The following DAAM1 variants were observed in gnomAD, a reference collection of about 807,000 sequenced individuals.
The protein encoded by DAAM1 is dishevelled associated activator of morphogenesis 1.
In DAAM1, 52 loss-of-function variants were observed where a neutral mutation model predicts 130.0. The ratio of observed to expected loss-of-function variants is 0.40; its 90% CI spans 0.32 to 0.50. The LOEUF is 0.50. Ranked by LOEUF, DAAM1 falls within the 20% of genes least tolerant of loss-of-function variation. DAAM1 has a pLI of 0.61. For synonymous variants in DAAM1, 452 were observed against 444.5 expected, an observed-to-expected ratio of 1.02 and a Z score of -0.21; for missense variants, 1,134 against 1,303.8, an observed-to-expected ratio of 0.87 and a Z score of 2.01.
At chr14:59,257,545 G>C (rs916959191) in intron 1 of DAAM1, among the ~76,000 whole-genome samples, 1 of 152,220 alleles carries the variant, frequency 6.6e-6, no homozygotes, top group African/African-American at 2.4e-5. Flanking sequence ...TGAGGACACT[G>C]TAGACGTGTG....
intron 1 of DAAM1, among the ~76,000 whole-genome samples, chr14:59,200,227 C>G (rs559833933): frequency 6.6e-6 from 1 of 152,074 alleles, no homozygotes. Flanking sequence ...CCCAGCAGAT[C>G]TAGTAGGTAA....
chr14:59,289,061 G>C (rs1392701400), intron 2 of DAAM1, among the ~76,000 whole-genome samples: 1 of 152,040 alleles, frequency 6.6e-6, no homozygotes, highest in Non-Finnish European at 1.5e-5. Flanking sequence ...GACTACAGGC[G>C]TGTGCCACCA....
At chr14:59,275,718 G>T (rs1337189700) in intron 2 of DAAM1, among the ~76,000 whole-genome samples, 1 of 152,084 alleles carries the variant, frequency 6.6e-6, no homozygotes, top group Non-Finnish European at 1.5e-5. Flanking sequence ...TTGCTATTAA[G>T]AGAAAAAAGG....
At chr14:59,190,568 A>G (rs1032559130) in intron 1 of DAAM1, among the ~76,000 whole-genome samples, 1 of 152,172 alleles carries the variant, frequency 6.6e-6, no homozygotes, top group East Asian at 1.9e-4. Context: ...CATAAAATCT[A>G]AAGCCAGGCT....
In DAAM1 at chr14:59,340,099, C is replaced by T. The variant is rs774071414; in HGVS notation, c.1994C>T (p.Thr665Ile). The change falls in exon 16 of 25, where the codon ACT becomes ATT. Residue 665 changes from threonine (T) to isoleucine (I), a missense_variant. Coordinates refer to ENST00000360909, the MANE Select transcript of DAAM1 (RefSeq NM_001270520.2). Reference protein sequence around the residue: ...QQKEADAIDDTLSSKLKVKEL... With the variant: ...QQKEADAIDDILSSKLKVKEL... ...AAAGAAGCAGATGCCATTGATGACA[C>T]TCTGAGTTCCAAACTTAAAGTTAAA... 6.2e-7 allele frequency: 1 copy of T among 1,613,650 alleles called. No homozygotes were observed. The highest frequency in any genetic ancestry group is 8.5e-7 in the Non-Finnish European group (1 of 1,179,696).
At chr14:59,305,009 C>T (rs1234939171) in intron 3 of DAAM1, among the ~76,000 whole-genome samples, 1 of 152,186 alleles carries the variant, frequency 6.6e-6, no homozygotes, top group Non-Finnish European at 1.5e-5. Context: ...AACATCAAAA[C>T]CTACTTTATG....
Position 59,323,118 on chromosome 14 carries a change from G to T in DAAM1, c.667G>T (p.Val223Leu). Reference protein sequence around the residue: ...STENIKTKVAVLEILGAVCLV... With the variant: ...STENIKTKVALLEILGAVCLV... ...AGAGAACATTAAAACGAAGGTGGCC[G>T]TGCTGGAAATCTTGGGCGCCGTGTG... Residue 223 changes from valine to leucine, a missense_variant, in exon 6 of 25, where the codon GTG becomes TTG. Physicochemically the swap from Val to Leu is conservative, Grantham distance 32. This residue lies in a region of DAAM1 where 391 missense variants were observed against 521.6 expected (regional missense o/e 0.75). Coordinates refer to ENST00000360909, the MANE Select transcript of DAAM1 (RefSeq NM_001270520.2). 6.2e-7 allele frequency: 1 copy of T among 1,613,504 alleles called. No homozygotes were observed. The highest frequency in any genetic ancestry group is 1.1e-5 in the South Asian group (1 of 91,006).
intron 2 of DAAM1, chr14:59,265,069 C>G (rs891037075): frequency 2.0e-4 from 30 of 152,190 alleles, no homozygotes; most frequent in African/African-American, 6.5e-4. Flanking sequence ...GAATACTATT[C>G]ATTTTGCATG....
chr14:59,339,971 AGT>A, intron 15 of DAAM1, 101 bp from the exon 16 acceptor site: 1 of 921,588 alleles, frequency 1.1e-6, no homozygotes, highest in East Asian at 2.6e-5. Flanking sequence ...TGTGTATACG[AGT>A]GTGTGTATGT....
chr14:59,361,101 G>C (rs1331933612), intron 22 of DAAM1, among the ~76,000 whole-genome samples: 1 of 152,228 alleles, frequency 6.6e-6, no homozygotes, highest in Non-Finnish European at 1.5e-5. Flanking sequence ...ACTGGACCTA[G>C]TGTGCCACCA....
At position 59,235,083 on chromosome 14, in the gene DAAM1, G is replaced by C. The variant is rs1439461135; in HGVS notation, c.-37-28358G>C. 3.9e-5 allele frequency among the ~76,000 whole-genome samples: 6 copies of C among 152,120 alleles called. No individual in the cohort carries two copies. The East Asian group carries it at 1.2e-3, about 29-fold the overall frequency. ...AGGATTTTTGTCTCGATGTTCATCA[G>C]GGATATTGGCCTGAAGTTTTCTTTT... On this transcript the variant is annotated intron_variant, in intron 1 of 24. Transcript: ENST00000360909.
At chr14:59,234,931 G>A (rs1252025062) in intron 1 of DAAM1, among the ~76,000 whole-genome samples, 1 of 152,172 alleles carries the variant, frequency 6.6e-6, no homozygotes, top group African/African-American at 2.4e-5. Flanking sequence ...TTCTGTTTAT[G>A]TGATGGGTTG....
intron 1 of DAAM1, among the ~76,000 whole-genome samples, chr14:59,243,796 G>A (rs1218496187): frequency 6.6e-6 from 1 of 152,118 alleles, no homozygotes; most frequent in African/African-American, 2.4e-5. Flanking sequence ...ATTTGTAGTG[G>A]GAGAACAATT....
chr14:59,318,293 C>T (rs541955587), intron 4 of DAAM1, among the ~76,000 whole-genome samples: 1 of 151,990 alleles, frequency 6.6e-6, no homozygotes, highest in South Asian at 2.1e-4. Context: ...AAGTTCCAGA[C>T]TCCCAGCAGG....
chr14:59,324,153 G>A lies in DAAM1; in HGVS notation c.800G>A (p.Ser267Asn), dbSNP rs561542008. 4.9e-6 allele frequency: 7 copies of A among 1,427,136 alleles called. No homozygotes were observed. The African/African-American group carries it at 8.7e-5, about 18-fold the overall frequency. The allele number at this position is 1,427,136 out of a possible 1,614,324, so 88.4% of individuals were successfully genotyped here. A position where few individuals can be genotyped will look rare whatever the true frequency, so the allele number is the denominator to read the frequency against. Reference protein sequence around the residue: ...FQTLINDLDKSTGRYRDEVSL... With the variant: ...FQTLINDLDKNTGRYRDEVSL... The stretch of plus-strand genomic sequence containing the variant: ...ACATTAATTAACGACTTGGATAAAA[G>A]CACTGGGCGGTATCGAGATGAAGTG... Residue 267 changes from serine (S) to asparagine (N), a missense_variant, in exon 7 of 25, where the codon AGC (serine) becomes AAC (asparagine). Ser to Asn is a conservative substitution (Grantham distance 46). Coordinates refer to ENST00000360909, the MANE Select transcript of DAAM1 (RefSeq NM_001270520.2).
chr14:59,327,609 A>G (rs971711914), intron 12 of DAAM1, among the ~76,000 whole-genome samples: 8 of 151,694 alleles, frequency 5.3e-5, no homozygotes, highest in Admixed American at 1.3e-4. Context: ...GGGTTTCACT[A>G]TGTTAGTCAG....
intron 2 of DAAM1, among the ~76,000 whole-genome samples, chr14:59,280,885 A>G (rs1403958691): frequency 5.9e-5 from 9 of 152,126 alleles, no homozygotes; most frequent in South Asian, 2.1e-4. Flanking sequence ...TTTAAGTGCT[A>G]TCATTTTTTC....
intron 1 of DAAM1, among the ~76,000 whole-genome samples, chr14:59,235,556 T>C (rs2139452308): frequency 6.6e-6 from 1 of 152,204 alleles, no homozygotes; most frequent in East Asian, 1.9e-4. Flanking sequence ...TAGCTAGTGG[T>C]CTATCTATTT....
chr14:59,228,827 T>C (rs1889020033), intron 1 of DAAM1, among the ~76,000 whole-genome samples: 1 of 152,202 alleles, frequency 6.6e-6, no homozygotes, highest in African/African-American at 2.4e-5. Context: ...AAGGTTACTT[T>C]GTTTTGGACT....
Sources: gnomAD v4.1 joint callset for allele counts (sites outside exome capture counted in the v4.1 genomes callset) on GRCh38, gnomAD v4.1.1 for gene constraint, gnomAD v4.1.1 regional missense constraint, MANE v1.5 for transcripts, NCBI Gene and HGNC (gene_info 2026-07-23, HGNC 2026-07-21) for gene names.